The following AGAP3 variants were observed in gnomAD, a reference collection of about 807,000 sequenced individuals.
AGAP3 encodes arf-GAP with GTPase, ANK repeat and PH domain-containing protein 3.
Under a neutral mutation model 96.9 loss-of-function variants are expected in AGAP3, and 24 were observed. The ratio of observed to expected loss-of-function variants is 0.25; its 90% confidence interval spans 0.18 to 0.35. AGAP3 has a LOEUF of 0.35. AGAP3 is among the 10% of genes least tolerant of loss of function. The pLI, the probability that AGAP3 is intolerant of heterozygous loss-of-function variation, is 1.00. For synonymous variants in AGAP3, 563 were observed against 536.1 expected, an observed-to-expected ratio of 1.05 and a Z score of -0.69; for missense variants, 876 against 1,254.2, an observed-to-expected ratio of 0.70 and a Z score of 4.55.
At chr7:151,097,707 C>T (rs1231747930) in intron 1 of AGAP3, among the ~76,000 whole-genome samples, 1 of 151,868 alleles carries the variant, frequency 6.6e-6, no homozygotes, top group Admixed American at 6.6e-5. Context: ...GAGGGCGCTA[C>T]ACTCTTCAAC....
In AGAP3 at chr7:151,097,424, C is replaced by G. The variant is rs150045515; in HGVS notation, c.331+10352C>G. On this transcript the variant is annotated intron_variant, in intron 1 of 17. Transcript: ENST00000397238. The stretch of plus-strand genomic sequence containing the variant: ...GTGGGCACCTGTAATTCCAGATACT[C>G]AGGAGGCTGGGGCAGGAGAATCACT... 8.2e-3 allele frequency among the ~76,000 whole-genome samples: 1,214 copies of G among 148,878 alleles called. 9 individuals are homozygous for G. Among genetic ancestry groups the G allele is most frequent in the South Asian group, 0.026 (124 of 4,714 alleles).
At position 151,142,211 on chromosome 7, in the gene AGAP3, A is replaced by G. The variant is rs1383090473; in HGVS notation, c.2008A>G (p.Thr670Ala). The change falls in exon 15 of 18, where the codon ACC (threonine) becomes GCC (alanine). Residue 670 changes from threonine (T) to alanine (A), a missense_variant. Thr to Ala is a moderately conservative substitution (Grantham distance 58). This residue lies in a region of AGAP3 where 103 missense variants were observed against 183.0 expected (regional missense o/e 0.56). Coordinates refer to ENST00000397238, the MANE Select transcript of AGAP3 (RefSeq NM_031946.7). This position sits in a 1 kb window ranked among gnomAD's most constrained non-coding sequence, Gnocchi z 7.5. Reference protein sequence around the residue: ...NAALAVQAVRTVRGNSFCIDC... With the variant: ...NAALAVQAVRAVRGNSFCIDC... ...AGCTCTGGCTGTGCAGGCCGTCCGC[A>G]CCGTCCGCGGCAACAGCTTTTGTAT... 2 of 1,613,570 alleles carry G rather than the reference A, an allele frequency of 1.2e-6. No individual in the cohort carries two copies. Among genetic ancestry groups the G allele is most frequent in the African/African-American group, 1.3e-5 (1 of 75,036 alleles).
At chr7:151,123,935 G>A (rs750885658) in intron 9 of AGAP3, 49 bp downstream of exon 9, 14 of 1,568,720 alleles carry the variant, frequency 8.9e-6, no homozygotes, top group Non-Finnish European at 1.1e-5. Flanking sequence ...TGAGGCCCAG[G>A]AATGTGGCGC....
At chr7:151,101,971 C>T (rs1009299637) in intron 1 of AGAP3, among the ~76,000 whole-genome samples, 4 of 152,098 alleles carry the variant, frequency 2.6e-5, no homozygotes, top group African/African-American at 9.7e-5. Flanking sequence ...TGCCATGAGC[C>T]CTTCCTTCCC....
At chr7:151,112,396 C>CGTGT (rs71819427) in intron 1 of AGAP3, among the ~76,000 whole-genome samples, 21,414 of 139,686 alleles carry the variant, frequency 0.15, 1,768 homozygotes, top group Admixed American at 0.22. Context: ...TTCCCCGAGA[C>CGTGT]GTGTGTGTGT....
At chr7:151,137,537 C>G (rs1017445215) in intron 11 of AGAP3, among the ~76,000 whole-genome samples, 2 of 152,220 alleles carry the variant, frequency 1.3e-5, no homozygotes, top group East Asian at 1.9e-4. Flanking sequence ...AATTGTGCGG[C>G]GCTCTGTCCT....
intron 10 of AGAP3, 54 bp from the exon 11 acceptor site, chr7:151,134,346 C>G (rs1800510471): frequency 1.3e-6 from 2 of 1,598,836 alleles, no homozygotes; most frequent in Non-Finnish European, 1.7e-6. Context: ...AGGCTCAACG[C>G]TGGAGTGACT....
chr7:151,140,186 GTAACACC>G lies in AGAP3; in HGVS notation c.1804+73_1804+79del. On this transcript the variant is annotated intron_variant, in intron 13 of 17. Transcript: ENST00000397238. This position sits in a 1 kb window ranked among gnomAD's most constrained non-coding sequence, Gnocchi z 5.4. Reference sequence around the variant, plus strand: ...GGGACTTGGGGATAGTACCCTAAAAGTAACACCTATTTTTTATTTTTTGTATTCAGTG... The same window carrying G: ...GGGACTTGGGGATAGTACCCTAAAAGTATTTTTTATTTTTTGTATTCAGTG... 7.4e-7 allele frequency: 1 copy of G among 1,357,748 alleles called. No individual in the cohort carries two copies. Among genetic ancestry groups the G allele is most frequent in the South Asian group, 1.9e-5 (1 of 53,086 alleles). 84.1% of individuals were successfully genotyped at this position (1,357,748 alleles called of 1,614,324 possible). A position where few individuals can be genotyped will look rare whatever the true frequency, so the allele number is the denominator to read the frequency against.
chr7:151,119,334 G>A lies in AGAP3; in HGVS notation c.970-653G>A, dbSNP rs753602213. ...GCGGTGCAGACCACCTGGTTGTGCC[G>A]TGCATGCTTCCCGAGTCCTGGAGGA... is the stretch of plus-strand genomic sequence containing the variant. On this transcript the variant is annotated intron_variant, in intron 7 of 17. Coordinates refer to ENST00000397238, the MANE Select transcript of AGAP3 (RefSeq NM_031946.7). 4 of 158,348 alleles carry A rather than the reference G, an allele frequency of 2.5e-5. No individual in the cohort carries two copies. The East Asian group carries it at 5.7e-4, about 23-fold the overall frequency. 9.8% of individuals were successfully genotyped at this position (158,348 alleles called of 1,614,324 possible).
At chr7:151,115,577 G>C (rs1204414057) in intron 1 of AGAP3, 5 of 1,149,054 alleles carry the variant, frequency 4.4e-6, no homozygotes, top group Non-Finnish European at 5.3e-6. Flanking sequence ...GGGAGCCCGC[G>C]CCCGCCGCGC....
At position 151,142,880 on chromosome 7, in the gene AGAP3, G is replaced by A. The variant is rs1800875011; in HGVS notation, c.2273+246G>A. 6.6e-6 allele frequency among the ~76,000 whole-genome samples: 1 copy of A among 152,220 alleles called. No individual in the cohort carries two copies. Among genetic ancestry groups the A allele is most frequent in the South Asian group, 2.1e-4 (1 of 4,826 alleles). On this transcript the variant is annotated intron_variant, in intron 16 of 17. Coordinates refer to ENST00000397238, the MANE Select transcript of AGAP3 (RefSeq NM_031946.7). The surrounding 1 kb of genome is among the most constrained non-coding windows in gnomAD (Gnocchi z 7.5). Reference sequence around the variant, plus strand: ...GGCCAGCAGGAGGCGCATGCGCAGGGCCCCTATCACGGTGTGGTGCAGAGC... The same window carrying A: ...GGCCAGCAGGAGGCGCATGCGCAGGACCCCTATCACGGTGTGGTGCAGAGC...
rs746808155 is a variant in AGAP3, at chr7:151,143,467, G to A, written c.2400G>A (p.Leu800=). ...LRAVVEDDLR[L]LVMLLAHGSK... is the part of the protein sequence containing the mutation. The stretch of plus-strand genomic sequence containing the variant: ...CCGTGGTGGAAGATGACCTGCGGCT[G>A]TTGGTGATGCTCCTGGCACATGGCT... Residue 800 remains leucine (L), a synonymous_variant, in exon 17 of 18, where the codon CTG becomes CTA. Coordinates refer to ENST00000397238, the MANE Select transcript of AGAP3 (RefSeq NM_031946.7). The surrounding 1 kb of genome is among the most constrained non-coding windows in gnomAD (Gnocchi z 5.9). 31 of 1,614,128 alleles carry A rather than the reference G, an allele frequency of 1.9e-5. No individual in the cohort carries two copies. The highest frequency in any genetic ancestry group is 2.4e-5 in the Non-Finnish European group (28 of 1,180,056).
intron 1 of AGAP3, chr7:151,115,455 C>T (rs1799521428): frequency 9.8e-7 from 1 of 1,015,654 alleles, no homozygotes; most frequent in Non-Finnish European, 1.2e-6. Context: ...AGGCGCCTTC[C>T]CCAGCCGCCG....
At chr7:151,110,205 T>C (rs1221351012) in intron 1 of AGAP3, among the ~76,000 whole-genome samples, 1 of 152,216 alleles carries the variant, frequency 6.6e-6, no homozygotes, top group Non-Finnish European at 1.5e-5. Flanking sequence ...CCAAAAGCCC[T>C]GGGAGCACAG....
In AGAP3 at chr7:151,139,120, A is replaced by T. The variant is rs1437173133; in HGVS notation, c.1666+807A>T. 1.3e-5 allele frequency among the ~76,000 whole-genome samples: 2 copies of T among 152,176 alleles called. No homozygotes were observed. The highest frequency in any genetic ancestry group is 2.9e-5 in the Non-Finnish European group (2 of 68,030). ...GCTTTCCATGCCCTTGTCCTGAGTG[A>T]TGGTGTAATGACAGGAAGACCCAGG... On this transcript the variant is annotated intron_variant, in intron 12 of 17. Coordinates refer to ENST00000397238, the MANE Select transcript of AGAP3 (RefSeq NM_031946.7). The surrounding 1 kb of genome is among the most constrained non-coding windows in gnomAD (Gnocchi z 4.9).
chr7:151,126,048 G>C (rs1333238488), intron 9 of AGAP3, among the ~76,000 whole-genome samples: 2 of 121,340 alleles, frequency 1.6e-5, no homozygotes, highest in Non-Finnish European at 3.4e-5. Flanking sequence ...TCCCGGGAGC[G>C]GGCGGGTGGG....
rs913609134 is a variant in AGAP3 at position 151,142,358 on chromosome 7, C to T, written c.2051-54C>T. On this transcript the variant is annotated intron_variant, in intron 15 of 17. Transcript: ENST00000397238. The surrounding 1 kb of genome is among the most constrained non-coding windows in gnomAD (Gnocchi z 7.5). Reference sequence around the variant, plus strand: ...GCAGGGAAGCCTTCCCTAGTTGTCCCGCGCTCTGGTGGCCTGCCTGCTGTC... The same window carrying T: ...GCAGGGAAGCCTTCCCTAGTTGTCCTGCGCTCTGGTGGCCTGCCTGCTGTC... 1.2e-5 allele frequency: 19 copies of T among 1,597,686 alleles called. No homozygotes were observed. Among genetic ancestry groups the T allele is most frequent in the Middle Eastern group, 1.7e-4 (1 of 6,028 alleles).
rs1800826222 is a variant in AGAP3 at position 151,141,870 on chromosome 7, C to T, written c.1805-28C>T. On this transcript the variant is annotated intron_variant, in intron 13 of 17. Transcript: ENST00000397238. This position sits in a 1 kb window ranked among gnomAD's most constrained non-coding sequence, Gnocchi z 4.2. ...CTGGGTGTGCACGCAGGCCAGGAGC[C>T]CTGATGGCATAAACACCCCCCCAAC... is the stretch of plus-strand genomic sequence containing the variant. The T allele has an allele frequency of 1.9e-6, 3 of 1,613,962 alleles. No homozygotes were observed. The highest frequency in any genetic ancestry group is 8.5e-7 in the Non-Finnish European group (1 of 1,180,024).
chr7:151,115,171 G>T (rs1585068820), intron 1 of AGAP3: 10 of 1,017,732 alleles, frequency 9.8e-6, no homozygotes, highest in African/African-American at 1.7e-5. Flanking sequence ...GAGGTGAACC[G>T]CCTGGAGCTG....
Sources: allele counts gnomAD v4.1 joint callset (sites outside exome capture counted in the v4.1 genomes callset), GRCh38; gene constraint gnomAD v4.1.1; regional missense constraint gnomAD v4.1.1; non-coding constraint Gnocchi (gnomAD v3.1); transcripts MANE v1.5; gene names NCBI Gene and HGNC (gene_info 2026-07-23, HGNC 2026-07-21).